Variants in SYT1 observed in about 807,000 individuals in gnomAD.
The protein encoded by SYT1 is synaptotagmin 1.
A neutral mutation model predicts 44.8 loss-of-function variants in SYT1; 8 were observed. The ratio of observed to expected loss-of-function variants is 0.18; its 90% CI spans 0.10 to 0.32. The LOEUF (loss-of-function observed/expected upper bound fraction) is 0.32. Ranked by LOEUF, SYT1 falls within the 10% of genes least tolerant of loss-of-function variation. The pLI is 1.00. For synonymous variants in SYT1, 154 were observed against 188.8 expected (o/e 0.82, Z 1.51); for missense variants, 286 against 509.3 (o/e 0.56, Z 4.22).
At chr12:79,387,386 C>T (rs1167463445) in intron 9 of SYT1, among the ~76,000 whole-genome samples, 4 of 152,174 alleles carry the variant, frequency 2.6e-5, no homozygotes, top group Admixed American at 6.5e-5. Context: ...TAGTTCTAGT[C>T]TCAAGTCTAC....
intron 1 of SYT1, among the ~76,000 whole-genome samples, chr12:78,970,232 T>C (rs1263607749): frequency 3.9e-5 from 6 of 152,188 alleles, no homozygotes; most frequent in Non-Finnish European, 8.8e-5. Flanking sequence ...ACTAAAGACA[T>C]TGTTATTTGT....
intron 2 of SYT1, among the ~76,000 whole-genome samples, chr12:78,995,029 T>G (rs1379602225): frequency 1.3e-5 from 2 of 152,166 alleles, no homozygotes; most frequent in Non-Finnish European, 2.9e-5. Flanking sequence ...ATTCTCCACC[T>G]TCACTTCACC....
chr12:79,066,735 A>G (rs1875891068), intron 3 of SYT1, among the ~76,000 whole-genome samples: 1 of 152,210 alleles, frequency 6.6e-6, no homozygotes. Flanking sequence ...GCTTAAAAAA[A>G]CAGAAATGGG....
At chr12:79,435,486 T>C (rs903118166) in intron 9 of SYT1, among the ~76,000 whole-genome samples, 2 of 152,114 alleles carry the variant, frequency 1.3e-5, no homozygotes, top group African/African-American at 4.8e-5. Flanking sequence ...TTATTTTCCT[T>C]ACGTCTCTGT....
At chr12:79,329,342 GTC>G (rs1022471940) in intron 8 of SYT1, among the ~76,000 whole-genome samples, 2 of 152,124 alleles carry the variant, frequency 1.3e-5, no homozygotes, top group Admixed American at 1.3e-4. Context: ...TTAGGGGAAT[GTC>G]TCTATATGAA....
chr12:79,315,936 G>A (rs547946232), intron 8 of SYT1, among the ~76,000 whole-genome samples: 1 of 152,122 alleles, frequency 6.6e-6, no homozygotes, highest in Non-Finnish European at 1.5e-5. Context: ...CAATCTTTTT[G>A]CAGCTTGTTT....
chr12:79,262,778 T>C (rs1050025014), intron 4 of SYT1, among the ~76,000 whole-genome samples: 8 of 152,136 alleles, frequency 5.3e-5, no homozygotes, highest in African/African-American at 1.9e-4. Flanking sequence ...ATTGTGCTGA[T>C]CAGAGACATT....
intron 1 of SYT1, among the ~76,000 whole-genome samples, chr12:78,878,914 A>C (rs1424970988): frequency 6.6e-6 from 1 of 151,684 alleles, no homozygotes; most frequent in Non-Finnish European, 1.5e-5. Context: ...CTGTCATCTC[A>C]ATGTAAAGTT....
intron 3 of SYT1, among the ~76,000 whole-genome samples, chr12:79,186,242 A>G (rs1872794501): frequency 6.6e-6 from 1 of 152,036 alleles, no homozygotes; most frequent in Admixed American, 6.6e-5. Context: ...CCTCTTATAT[A>G]TTCTACCTCA....
At chr12:78,917,008 T>C (rs2400343) in intron 1 of SYT1, among the ~76,000 whole-genome samples, 116,033 of 151,982 alleles carry the variant, frequency 0.76, 44,833 homozygotes, top group African/African-American at 0.87. Flanking sequence ...TGATGACTCA[T>C]TGAAGCCCTG....
At chr12:79,135,421 C>T (rs4842438) in intron 3 of SYT1, among the ~76,000 whole-genome samples, 1 of 151,956 alleles carries the variant, frequency 6.6e-6, no homozygotes, top group Non-Finnish European at 1.5e-5. Context: ...TTCTAATATC[C>T]TGCTAGTCAA....
rs535240476 is a variant in SYT1 at position 79,014,174 on chromosome 12, A to G, written c.-83-33123A>G. Among the ~76,000 whole-genome samples, 486 of 151,746 alleles carry G rather than the reference A, an allele frequency of 3.2e-3. 4 individuals are homozygous for G. The highest frequency in any genetic ancestry group is 0.011 in the African/African-American group (464 of 41,462). On this transcript the variant is annotated intron_variant, in intron 2 of 10. Transcript: ENST00000261205. ...AAAAAGAAAGAAAAAGGAAAAGAAAATAAGCCTTGGGTATTTTTGACAACT... is the reference window on the plus strand; with the variant it reads ...AAAAAGAAAGAAAAAGGAAAAGAAAGTAAGCCTTGGGTATTTTTGACAACT...
intron 2 of SYT1, among the ~76,000 whole-genome samples, chr12:79,000,089 C>G (rs2137525542): frequency 6.6e-6 from 1 of 152,164 alleles, no homozygotes; most frequent in East Asian, 1.9e-4. Context: ...GACAACATCT[C>G]TAAAGTAATT....
chr12:78,931,283 GAAGGAAGGAAGGAAGGAAGGAAGGA>G (rs1877683768), intron 1 of SYT1, among the ~76,000 whole-genome samples: 1 of 91,096 alleles, frequency 1.1e-5, no homozygotes, highest in Non-Finnish European at 2.2e-5. Flanking sequence ...AGGAAGGAAG[GAAGGAAGGAAGGAAGGAAGGAAGGA>G]GAGGGAGGGA....
intron 2 of SYT1, among the ~76,000 whole-genome samples, chr12:79,000,955 C>T (rs1870700303): frequency 1.3e-5 from 2 of 152,258 alleles, no homozygotes; most frequent in South Asian, 4.1e-4. Context: ...ATCTTAGCCA[C>T]ACTGTCAACA....
intron 1 of SYT1, among the ~76,000 whole-genome samples, chr12:78,953,566 C>T (rs1383305247): frequency 6.6e-6 from 1 of 152,014 alleles, no homozygotes; most frequent in Admixed American, 6.6e-5. Context: ...CTTGAAAACT[C>T]ATGGAAATGG....
intron 3 of SYT1, among the ~76,000 whole-genome samples, chr12:79,075,225 A>G (rs1030562964): frequency 2.0e-5 from 3 of 152,174 alleles, no homozygotes; most frequent in African/African-American, 7.2e-5. Flanking sequence ...AAAATCTTCA[A>G]GGCTCTTGAA....
intron 2 of SYT1, among the ~76,000 whole-genome samples, chr12:79,033,902 A>G (rs574163405): frequency 1.5e-4 from 22 of 151,588 alleles, no homozygotes; most frequent in African/African-American, 5.3e-4. Flanking sequence ...ATAGACTATA[A>G]TTAAGACAAA....
chr12:79,116,995 T>A (rs1879310498), intron 3 of SYT1, among the ~76,000 whole-genome samples: 1 of 152,164 alleles, frequency 6.6e-6, no homozygotes, highest in Admixed American at 6.5e-5. Context: ...GGTAATAAAA[T>A]TAATGAGGAA....
Sources: gnomAD v4.1 joint callset for allele counts (sites outside exome capture counted in the v4.1 genomes callset) on GRCh38, gnomAD v4.1.1 for gene constraint, MANE v1.5 for transcripts, NCBI Gene and HGNC (gene_info 2026-07-23, HGNC 2026-07-21) for gene names.